The following CCM2 variants were observed in gnomAD, a reference collection of about 807,000 sequenced individuals.
The protein encoded by CCM2 is CCM2 scaffold protein.
CCM2 carries 25 observed loss-of-function variants against 44.9 expected under a neutral mutation model. That is an observed-to-expected ratio of 0.56 (90% CI 0.41 to 0.78). CCM2 has a LOEUF of 0.78. Ranked by LOEUF, CCM2 falls within the 30% of genes least tolerant of loss-of-function variation. The pLI, the probability that CCM2 is intolerant of heterozygous loss-of-function variation, is 0.00. For missense variants in CCM2, 481 were observed against 580.6 expected, an observed-to-expected ratio of 0.83 and a Z score of 1.76; for synonymous variants, 219 against 241.1, an observed-to-expected ratio of 0.91 and a Z score of 0.85.
intron 1 of CCM2, among the ~76,000 whole-genome samples, chr7:45,018,106 G>A (rs930547685): frequency 1.1e-4 from 17 of 152,218 alleles, no homozygotes; most frequent in Admixed American, 3.3e-4. Flanking sequence ...TAAGGAGTGC[G>A]TAACCTAGAT....
At chr7:45,015,491 G>C (rs1215880185) in intron 1 of CCM2, among the ~76,000 whole-genome samples, 5 of 152,182 alleles carry the variant, frequency 3.3e-5, no homozygotes, top group African/African-American at 1.2e-4. Flanking sequence ...GCTTGGGTTT[G>C]ATGAAAGGGA....
intron 6 of CCM2, chr7:45,071,323 A>C (rs960851036): frequency 6.5e-6 from 1 of 153,394 alleles, no homozygotes; most frequent in African/African-American, 2.4e-5. Context: ...GAAGTACACA[A>C]GTCATACATG....
chr7:45,028,780 A>T (rs1372723228), intron 1 of CCM2, among the ~76,000 whole-genome samples: 1 of 152,042 alleles, frequency 6.6e-6, no homozygotes, highest in African/African-American at 2.4e-5. Flanking sequence ...GGTAGGCACC[A>T]AAGCACTTAA....
intron 1 of CCM2, among the ~76,000 whole-genome samples, chr7:45,030,310 G>A (rs1583882431): frequency 6.6e-6 from 1 of 152,228 alleles, no homozygotes; most frequent in South Asian, 2.1e-4. Context: ...AAGAATGGTT[G>A]CCTGGGCTAA....
intron 1 of CCM2, among the ~76,000 whole-genome samples, chr7:45,027,972 C>T (rs1796767181): frequency 6.6e-6 from 1 of 152,088 alleles, no homozygotes; most frequent in Non-Finnish European, 1.5e-5. Flanking sequence ...TTGCTGGCTT[C>T]CTGGTCTGAG....
Position 45,023,787 on chromosome 7 carries a change from G to GTTTTTTTTTTTTT in CCM2, c.31-14440_31-14428dup, listed in dbSNP as rs10596429. On this transcript the variant is annotated intron_variant, in intron 1 of 9. Coordinates refer to ENST00000258781, the MANE Select transcript of CCM2 (RefSeq NM_031443.4). ...TCATTATTTTGATAGCTCTGTATCA[G>GTTTTTTTTTTTTT]TTTTTTTTTTTTTTTTTTTTTTTTT... Among the ~76,000 whole-genome samples, 5 of 58,614 alleles carry GTTTTTTTTTTTTT rather than the reference G, an allele frequency of 8.5e-5. 1 individual carries two copies. The highest frequency in any genetic ancestry group is 1.2e-4 in the Non-Finnish European group (4 of 33,952). 38.5% of individuals were successfully genotyped at this position (58,614 alleles called of 152,430 possible).
intron 2 of CCM2, among the ~76,000 whole-genome samples, chr7:45,045,143 C>T (rs973085463): frequency 2.0e-5 from 3 of 152,162 alleles, no homozygotes; most frequent in African/African-American, 7.2e-5. Context: ...TGAACACTTG[C>T]TCCACTATCG....
intron 1 of CCM2, among the ~76,000 whole-genome samples, chr7:45,007,938 T>C (rs2128712401): frequency 6.6e-6 from 1 of 152,362 alleles, no homozygotes; most frequent in African/African-American, 2.4e-5. Context: ...ACAGGTTTTT[T>C]TCAAAAAATC....
intron 1 of CCM2, 94 bp from the exon 2 acceptor site, chr7:45,038,159 G>A: frequency 1.4e-6 from 2 of 1,425,244 alleles, no homozygotes; most frequent in Non-Finnish European, 9.8e-7. Context: ...GGGGGCCATG[G>A]TAGTAGTTTT....
rs1380841842 is a variant in CCM2, at chr7:45,072,777, G to A, written c.797G>A (p.Ser266Asn). 2 of 1,611,940 alleles carry A rather than the reference G, an allele frequency of 1.2e-6. No individual in the cohort carries two copies. Among genetic ancestry groups the A allele is most frequent in the South Asian group, 1.1e-5 (1 of 91,032 alleles). Residue 266 changes from serine (S) to asparagine (N), a missense_variant, in exon 7 of 10, where the codon AGC (serine) becomes AAC (asparagine). By Grantham distance (46) the Ser-to-Asn change is conservative. Transcript: ENST00000258781. ...DIKETYEVEA[S>N]TFCFPESVDV... is the part of the protein sequence containing the mutation. ...AAGGAGACCTACGAGGTGGAAGCCA[G>A]CACTTTGTGAGTGCACATGCCACCA...
At chr7:45,013,145 A>G (rs1374426312) in intron 1 of CCM2, among the ~76,000 whole-genome samples, 2 of 151,970 alleles carry the variant, frequency 1.3e-5, no homozygotes, top group South Asian at 2.1e-4. Context: ...ATATATTGCT[A>G]TATATATCCA....
chr7:45,074,494 C>T (rs966836655), intron 9 of CCM2, 86 bp downstream of exon 9: 1 of 1,066,454 alleles, frequency 9.4e-7, no homozygotes, highest in Non-Finnish European at 1.4e-6. Flanking sequence ...ACGGACCCCT[C>T]AGTGGGTGCA....
chr7:45,071,342 A>G (rs1799061758), intron 6 of CCM2: 1 of 156,970 alleles, frequency 6.4e-6, no homozygotes, highest in Non-Finnish European at 1.4e-5. Context: ...TGTACAGTTG[A>G]ATGAATTTTC....
chr7:45,061,370 G>C (rs1798509193), intron 2 of CCM2, among the ~76,000 whole-genome samples: 1 of 152,136 alleles, frequency 6.6e-6, no homozygotes. Context: ...TAGGTGGTTA[G>C]GCTCTGGTAA....
chr7:45,072,810 C>T lies in CCM2; in HGVS notation c.803+27C>T, dbSNP rs200703400. The T allele has an allele frequency of 9.5e-6, 15 of 1,582,854 alleles. 1 individual carries two copies. Among genetic ancestry groups the T allele is most frequent in the Admixed American group, 6.7e-5 (4 of 59,974 alleles). On this transcript the variant is annotated intron_variant, in intron 7 of 9. Transcript: ENST00000258781. ...TGAGTGCACATGCCACCAAGCCCTG[C>T]GGTGGGACACGCACCAAATGCGTTG...
Position 45,004,182 on chromosome 7 carries a change from G to GA in CCM2, c.30+3827dup, listed in dbSNP as rs746012181. On this transcript the variant is annotated intron_variant, in intron 1 of 9. Coordinates refer to ENST00000258781, the MANE Select transcript of CCM2 (RefSeq NM_031443.4). ...AGACCCTGTCTCAAGAAGAAAAAGA[G>GA]AAAAAAAAGGTTATAAAGTTCCCTA... 6.0e-4 allele frequency among the ~76,000 whole-genome samples: 91 copies of GA among 151,160 alleles called. 1 individual carries two copies. Among genetic ancestry groups the GA allele is most frequent in the Admixed American group, 9.2e-4 (14 of 15,218 alleles).
At chr7:45,074,607 A>G (rs2128752913) in intron 9 of CCM2, among the ~76,000 whole-genome samples, 199 bp downstream of exon 9, 1 of 152,208 alleles carries the variant, frequency 6.6e-6, no homozygotes, top group African/African-American at 2.4e-5. Flanking sequence ...GGCTTTTCCC[A>G]GGTACTGTTG....
At chr7:45,043,957 G>C (rs1797634345) in intron 2 of CCM2, among the ~76,000 whole-genome samples, 1 of 152,102 alleles carries the variant, frequency 6.6e-6, no homozygotes, top group Non-Finnish European at 1.5e-5. Context: ...ACATGCCCTT[G>C]AGAATATTTA....
chr7:45,047,472 G>C (rs1797812276), intron 2 of CCM2, among the ~76,000 whole-genome samples: 2 of 152,164 alleles, frequency 1.3e-5, no homozygotes, highest in South Asian at 4.1e-4. Flanking sequence ...AGGAAGTCCA[G>C]GCTGCAGTGA....
Sources: gnomAD v4.1 joint callset for allele counts (sites outside exome capture counted in the v4.1 genomes callset) on GRCh38, gnomAD v4.1.1 for gene constraint, MANE v1.5 for transcripts, NCBI Gene and HGNC (gene_info 2026-07-23, HGNC 2026-07-21) for gene names.